ADAMTSL4: variants seen among roughly 807,000 people sequenced by gnomAD.
ADAMTSL4 encodes ADAMTS-like protein 4.
ADAMTSL4 carries 97 observed loss-of-function variants against 122.8 expected under a neutral mutation model. The observed-to-expected ratio is 0.79, with a 90% CI of 0.67 to 0.93. ADAMTSL4 has a LOEUF of 0.93. Among genes scored for constraint, ADAMTSL4 ranks in the 40% least tolerant of loss-of-function variants. The pLI, the probability that ADAMTSL4 is intolerant of heterozygous loss-of-function variation, is 0.00. For synonymous variants in ADAMTSL4, 592 were observed against 568.0 expected, an observed-to-expected ratio of 1.04 and a Z score of -0.60; for missense variants, 1,408 against 1,453.5, an observed-to-expected ratio of 0.97 and a Z score of 0.51.
At position 150,553,578 on chromosome 1, in the gene ADAMTSL4, C is replaced by T; in HGVS notation, c.587C>T (p.Ser196Phe). The T allele has an allele frequency of 6.2e-7, 1 of 1,613,850 alleles. No homozygotes were observed. Among genetic ancestry groups the T allele is most frequent in the South Asian group, 1.1e-5 (1 of 91,066 alleles). ...TCTAGAGGGGAAGAGGCTATTCCGT[C>T]CCCTACTCCAAGAGCAGAGCCATTC... ...ISSRGEEAIPSPTPRAEPFSA... is the reference protein window; with the variant it reads ...ISSRGEEAIPFPTPRAEPFSA... Residue 196 changes from serine (S) to phenylalanine (F), a missense_variant, in exon 6 of 19, where the codon TCC (serine) becomes TTC (phenylalanine). Transcript: ENST00000271643.
Position 150,552,444 on chromosome 1 carries a change from G to A in ADAMTSL4, c.21-99G>A. Reference sequence around the variant, plus strand: ...AGTAACTTCTGCTTTCTGAGAAGTTGGTAGTCAGGATATGGGAGCCGGCTG... The same window carrying A: ...AGTAACTTCTGCTTTCTGAGAAGTTAGTAGTCAGGATATGGGAGCCGGCTG... On this transcript the variant is annotated intron_variant, in intron 3 of 18. Coordinates refer to ENST00000271643, the MANE Select transcript of ADAMTSL4 (RefSeq NM_019032.6). The surrounding 1 kb of genome is among the most constrained non-coding windows in gnomAD (Gnocchi z 4.0). 1 of 1,577,714 alleles carries A rather than the reference G, an allele frequency of 6.3e-7. No homozygotes were observed. Among genetic ancestry groups the A allele is most frequent in the Non-Finnish European group, 8.7e-7 (1 of 1,150,216 alleles).
intron 15 of ADAMTSL4, 47 bp from the exon 16 acceptor site, chr1:150,558,915 C>A: frequency 5.1e-6 from 8 of 1,561,616 alleles, no homozygotes; most frequent in Non-Finnish European, 6.9e-6. Context: ...GTCCCTTGTG[C>A]CAGTCACCAG....
rs749020217 is a variant in ADAMTSL4, at chr1:150,557,526, C to T, written c.2080C>T (p.Arg694Cys). 74 of 1,612,466 alleles carry T rather than the reference C, an allele frequency of 4.6e-5. No homozygotes were observed. Among genetic ancestry groups the T allele is most frequent in the Middle Eastern group, 1.7e-4 (1 of 6,060 alleles). The change falls in exon 13 of 19, where the codon CGT (arginine) becomes TGT (cysteine). Residue 694 changes from arginine (R) to cysteine (C), a missense_variant. By Grantham distance (180) the Arg-to-Cys change is radical. Coordinates refer to ENST00000271643, the MANE Select transcript of ADAMTSL4 (RefSeq NM_019032.6). ...VWRPIFLCISRESGEELDERS... is the reference protein window; with the variant it reads ...VWRPIFLCISCESGEELDERS... ...GCGCCCCATTTTCCTCTGCATCTCC[C>T]GTGAGTCGGGAGAGGAACTGGATGA...
In ADAMTSL4 at chr1:150,553,664, T is replaced by C. The variant is rs1388190915; in HGVS notation, c.673T>C (p.Ser225Pro). 2 of 1,586,424 alleles carry C rather than the reference T, an allele frequency of 1.3e-6. No homozygotes were observed. The highest frequency in any genetic ancestry group is 1.4e-5 in the African/African-American group (1 of 70,336). ...CACAGAACTGTCTGTCCACACCCCA[T>C]CCCCCCAAGCAGAACCTCTAAGCCC... Reference protein sequence around the residue: ...PPTELSVHTPSPQAEPLSPET... With the variant: ...PPTELSVHTPPPQAEPLSPET... The change falls in exon 6 of 19, where the codon TCC becomes CCC. Residue 225 changes from serine (S) to proline (P), a missense_variant. Ser to Pro is a moderately conservative substitution (Grantham distance 74). Transcript: ENST00000271643.
At position 150,554,244 on chromosome 1, in the gene ADAMTSL4, C is replaced by T. The variant is rs2101588468; in HGVS notation, c.1132-121C>T. On this transcript the variant is annotated intron_variant, in intron 6 of 18. Transcript: ENST00000271643. The surrounding 1 kb of genome is among the most constrained non-coding windows in gnomAD (Gnocchi z 4.0). Reference sequence around the variant, plus strand: ...GAAGGGCCTTGGCATCTGACCACCTCAGGGCAGGGGTCTTGGAGCTCTTCC... The same window carrying T: ...GAAGGGCCTTGGCATCTGACCACCTTAGGGCAGGGGTCTTGGAGCTCTTCC... The T allele has an allele frequency of 6.9e-7, 1 of 1,440,874 alleles. No individual in the cohort carries two copies. Among genetic ancestry groups the T allele is most frequent in the East Asian group, 2.3e-5 (1 of 43,892 alleles). The allele number at this position is 1,440,874 out of a possible 1,614,324, so 89.3% of individuals were successfully genotyped here.
In ADAMTSL4 at chr1:150,559,601, C is replaced by T; in HGVS notation, c.2943+135C>T. 1 of 1,552,134 alleles carries T rather than the reference C, an allele frequency of 6.4e-7. No homozygotes were observed. The highest frequency in any genetic ancestry group is 1.1e-5 in the South Asian group (1 of 88,020). ...GCCAAGCGTTACCACTGTCCTACTT[C>T]TTATAGACTTGGAGGAAAGATGGGC... On this transcript the variant is annotated intron_variant, in intron 17 of 18. Coordinates refer to ENST00000271643, the MANE Select transcript of ADAMTSL4 (RefSeq NM_019032.6). This position sits in a 1 kb window ranked among gnomAD's most constrained non-coding sequence, Gnocchi z 4.1.
At chr1:150,555,172 T>C (rs1177657900) in intron 7 of ADAMTSL4, among the ~76,000 whole-genome samples, 1 of 152,050 alleles carries the variant, frequency 6.6e-6, no homozygotes, top group Non-Finnish European at 1.5e-5. Flanking sequence ...GTATTTGTAG[T>C]GGAGATGGGG....
chr1:150,552,393 C>T lies in ADAMTSL4; in HGVS notation c.20+85C>T, dbSNP rs369047059. On this transcript the variant is annotated intron_variant, in intron 3 of 18. Transcript: ENST00000271643. This position sits in a 1 kb window ranked among gnomAD's most constrained non-coding sequence, Gnocchi z 4.0. Reference sequence around the variant, plus strand: ...TGTCTGGAAGTGAGGGAAAGGGGACCACTGGGAGGGGCAGGGGAAGTGATG... The same window carrying T: ...TGTCTGGAAGTGAGGGAAAGGGGACTACTGGGAGGGGCAGGGGAAGTGATG... 39 of 1,533,124 alleles carry T rather than the reference C, an allele frequency of 2.5e-5. No homozygotes were observed. Among genetic ancestry groups the T allele is most frequent in the Non-Finnish European group, 4.4e-6 (5 of 1,125,560 alleles). 95.0% of individuals were successfully genotyped at this position (1,533,124 alleles called of 1,614,324 possible). A position where few individuals can be genotyped will look rare whatever the true frequency, so the allele number is the denominator to read the frequency against.
chr1:150,556,153 TC>T lies in ADAMTSL4; in HGVS notation c.1372-8del. 1.2e-6 allele frequency: 2 copies of T among 1,613,724 alleles called. No individual in the cohort carries two copies. The highest frequency in any genetic ancestry group is 1.7e-6 in the Non-Finnish European group (2 of 1,179,852). ...TTCTGTGGCCACTGCCTCACCTCAC[TC>T]TCTCCAGAGCCCCGGCTGTGATGGG... On this transcript the variant is annotated splice_region_variant and splice_polypyrimidine_tract_variant and intron_variant, in intron 8 of 18. Transcript: ENST00000271643. The surrounding 1 kb of genome is among the most constrained non-coding windows in gnomAD (Gnocchi z 4.1).
At chr1:150,551,177 T>C in intron 2 of ADAMTSL4, 3 of 361,994 alleles carry the variant, frequency 8.3e-6, no homozygotes, top group Non-Finnish European at 1.6e-5. Context: ...ATGAGAGGCC[T>C]GTGGCTGGGG....
In ADAMTSL4 at chr1:150,553,474, A is replaced by G. The variant is rs1671650480; in HGVS notation, c.483A>G (p.Arg161=). ...PIKPGMFGYG[R]VPFALPLHRN... is the part of the protein sequence containing the mutation. ...AGCCAGGAATGTTCGGTTATGGGAG[A>G]GTGCCCTTTGCATTGCCACTGCACC... The change falls in exon 6 of 19, where the codon AGA becomes AGG. Residue 161 remains arginine (R), a synonymous_variant. Transcript: ENST00000271643. 2 of 1,613,654 alleles carry G rather than the reference A, an allele frequency of 1.2e-6. No homozygotes were observed. Among genetic ancestry groups the G allele is most frequent in the South Asian group, 1.1e-5 (1 of 91,082 alleles).
Position 150,552,481 on chromosome 1 carries a change from C to T in ADAMTSL4, c.21-62C>T, listed in dbSNP as rs1295498873. 6.2e-7 allele frequency: 1 copy of T among 1,605,484 alleles called. No individual in the cohort carries two copies. Among genetic ancestry groups the T allele is most frequent in the African/African-American group, 1.3e-5 (1 of 74,704 alleles). ...ATGGGAGCCGGCTGGGGGCGGAGGG[C>T]AGTGTTGCAACACCCCCTCTGGCTC... On this transcript the variant is annotated intron_variant, in intron 3 of 18. Transcript: ENST00000271643. This position sits in a 1 kb window ranked among gnomAD's most constrained non-coding sequence, Gnocchi z 4.0.
rs377046400 is a variant in ADAMTSL4 at position 150,557,194 on chromosome 1, G to A, written c.1906G>A (p.Ala636Thr). 1 of 1,611,682 alleles carries A rather than the reference G, an allele frequency of 6.2e-7. No homozygotes were observed. The highest frequency in any genetic ancestry group is 8.5e-7 in the Non-Finnish European group (1 of 1,179,708). The change falls in exon 12 of 19, where the codon GCC becomes ACC. Residue 636 changes from alanine (A) to threonine (T), a missense_variant. By Grantham distance (58) the Ala-to-Thr change is moderately conservative (BLOSUM62 0). Transcript: ENST00000271643. ...CCCACTTGCTCCGGCACCCCGCCCA[G>A]CCCGGACCCCAGGCACCCTCCAGCG... is the stretch of plus-strand genomic sequence containing the variant. Reference protein sequence around the residue: ...EPPLAPAPRPARTPGTLQRQV... With the variant: ...EPPLAPAPRPTRTPGTLQRQV...
chr1:150,560,025 A>C, intron 18 of ADAMTSL4, 35 bp from the exon 19 acceptor site: 1 of 1,613,918 alleles, frequency 6.2e-7, no homozygotes, highest in Non-Finnish European at 8.5e-7. Flanking sequence ...GGTCCTGGTG[A>C]CTCTCTTGTG....
Position 150,554,380 on chromosome 1 carries a change from C to G in ADAMTSL4, c.1147C>G (p.Gln383Glu), listed in dbSNP as rs770313672. 2 of 1,613,288 alleles carry G rather than the reference C, an allele frequency of 1.2e-6. No homozygotes were observed. Among genetic ancestry groups the G allele is most frequent in the Non-Finnish European group, 1.7e-6 (2 of 1,179,996 alleles). Residue 383 changes from glutamine (Q) to glutamate (E), a missense_variant, in exon 7 of 19, where the codon CAG becomes GAG. Coordinates refer to ENST00000271643, the MANE Select transcript of ADAMTSL4 (RefSeq NM_019032.6). This position sits in a 1 kb window ranked among gnomAD's most constrained non-coding sequence, Gnocchi z 4.0. Reference protein sequence around the residue: ...ACSQAPCPPEQPDPRALQCAA... With the variant: ...ACSQAPCPPEEPDPRALQCAA... ...CTCACCGCAGCCCTGCCCCCCTGAG[C>G]AGCCAGACCCCCGGGCCCTGCAGTG...
Position 150,557,061 on chromosome 1 carries a change from GA to G in ADAMTSL4, c.1861+12del, listed in dbSNP as rs752316454. 14 of 1,612,396 alleles carry G rather than the reference GA, an allele frequency of 8.7e-6. No homozygotes were observed. The highest frequency in any genetic ancestry group is 1.3e-5 in the African/African-American group (1 of 74,958). On this transcript the variant is annotated intron_variant, in intron 11 of 18. Transcript: ENST00000271643. ...CCCAGCTTCAGCCGGGTAAGACTCT[GA>G]CCCCTGCACTTGGAAGGAGGAGGGA... is the stretch of plus-strand genomic sequence containing the variant.
At position 150,555,680 on chromosome 1, in the gene ADAMTSL4, C is replaced by T. The variant is rs942368014; in HGVS notation, c.1371+115C>T. The T allele has an allele frequency of 2.1e-6, 3 of 1,447,820 alleles. No homozygotes were observed. In the African/African-American group the frequency reaches 4.4e-5, roughly 21 times the overall value. The allele number at this position is 1,447,820 out of a possible 1,614,324, so 89.7% of individuals were successfully genotyped here. A position where few individuals can be genotyped will look rare whatever the true frequency, so the allele number is the denominator to read the frequency against. On this transcript the variant is annotated intron_variant, in intron 8 of 18. Coordinates refer to ENST00000271643, the MANE Select transcript of ADAMTSL4 (RefSeq NM_019032.6). Reference sequence around the variant, plus strand: ...ATGAACACATGCACACATGCAAGCACATACACACACGCATATGCGCACAGA... The same window carrying T: ...ATGAACACATGCACACATGCAAGCATATACACACACGCATATGCGCACAGA...
intron 12 of ADAMTSL4, 53 bp from the exon 13 acceptor site, chr1:150,557,441 C>G (rs1056215318): frequency 3.1e-6 from 5 of 1,611,878 alleles, no homozygotes; most frequent in Non-Finnish European, 4.2e-6. Context: ...TGGGACACCA[C>G]TGAGCTTGGG....
At position 150,556,668 on chromosome 1, in the gene ADAMTSL4, G is replaced by A. The variant is rs756184756; in HGVS notation, c.1624G>A (p.Val542Met). The A allele has an allele frequency of 3.1e-6, 5 of 1,614,066 alleles. No homozygotes were observed. The highest frequency in any genetic ancestry group is 4.2e-6 in the Non-Finnish European group (5 of 1,180,008). Reference protein sequence around the residue: ...GRSIINGNWAVDPPGSYRAGG... With the variant: ...GRSIINGNWAMDPPGSYRAGG... ...GTCCATCATCAATGGGAACTGGGCT[G>A]TGGATCCCCCTGGGTCCTACAGGGC... is the stretch of plus-strand genomic sequence containing the variant. Residue 542 changes from valine (V) to methionine (M), a missense_variant, in exon 10 of 19, where the codon GTG becomes ATG. Val to Met is a conservative substitution (Grantham distance 21). Coordinates refer to ENST00000271643, the MANE Select transcript of ADAMTSL4 (RefSeq NM_019032.6). This position sits in a 1 kb window ranked among gnomAD's most constrained non-coding sequence, Gnocchi z 4.1.
Sources: gnomAD v4.1 joint callset for allele counts (sites outside exome capture counted in the v4.1 genomes callset) on GRCh38, gnomAD v4.1.1 for gene constraint, Gnocchi (gnomAD v3.1) non-coding constraint, MANE v1.5 for transcripts, NCBI Gene and HGNC (gene_info 2026-07-23, HGNC 2026-07-21) for gene names.